The following PTPRD variants were observed in gnomAD, a reference collection of about 807,000 sequenced individuals.
PTPRD encodes receptor-type tyrosine-protein phosphatase delta.
Under a neutral mutation model 214.5 loss-of-function variants are expected in PTPRD, and 34 were observed. The observed-to-expected ratio is 0.16, with a 90% CI of 0.12 to 0.21. The LOEUF is 0.21. Ranked by LOEUF, PTPRD falls within the 10% of genes least tolerant of loss-of-function variation. The probability of loss-of-function intolerance (pLI) is 1.00; values close to 1 mark genes in which losing one functional copy is unlikely to be tolerated. For missense variants in PTPRD, 2,545 were observed against 2,398.7 expected (o/e 1.06, Z -1.27); for synonymous variants, 1,128 against 845.7 (o/e 1.33, Z -5.79).
At chr9:9,144,856 T>C (rs1239067434) in intron 10 of PTPRD, among the ~76,000 whole-genome samples, 1 of 152,166 alleles carries the variant, frequency 6.6e-6, no homozygotes, top group Non-Finnish European at 1.5e-5. Context: ...AAAAGCAATA[T>C]TGTTATTAAA....
chr9:8,502,080 C>G (rs1443119988), intron 23 of PTPRD, among the ~76,000 whole-genome samples: 1 of 152,058 alleles, frequency 6.6e-6, no homozygotes, highest in East Asian at 1.9e-4. Context: ...AGAAGACATA[C>G]TTTCTTACTG....
chr9:10,507,229 C>A (rs1179903204), intron 2 of PTPRD, among the ~76,000 whole-genome samples: 1 of 151,978 alleles, frequency 6.6e-6, no homozygotes, highest in Non-Finnish European at 1.5e-5. Context: ...ACCTAGGAAT[C>A]CAACTTACAA....
intron 21 of PTPRD, among the ~76,000 whole-genome samples, chr9:8,516,415 A>G (rs554091120): frequency 3.2e-4 from 49 of 152,212 alleles, no homozygotes; most frequent in Admixed American, 7.9e-4. Context: ...AGCCAATAAG[A>G]ACCAAATAAT....
At chr9:10,502,133 A>T (rs1438093519) in intron 2 of PTPRD, among the ~76,000 whole-genome samples, 1 of 152,000 alleles carries the variant, frequency 6.6e-6, no homozygotes, top group Non-Finnish European at 1.5e-5. Flanking sequence ...TGGTGAGAAA[A>T]GAAAGCCAAC....
intron 27 of PTPRD, among the ~76,000 whole-genome samples, chr9:8,491,896 G>C (rs1041488423): frequency 6.6e-6 from 1 of 152,034 alleles, no homozygotes. Context: ...GAAGTGATTC[G>C]GGCAGAGTAA....
At chr9:9,811,473 C>T (rs1362839460) in intron 5 of PTPRD, among the ~76,000 whole-genome samples, 5 of 152,016 alleles carry the variant, frequency 3.3e-5, no homozygotes, top group South Asian at 2.1e-4. Flanking sequence ...TTTGGGAGGC[C>T]GAGGTGGGCG....
chr9:9,646,336 TGTGTGTGG>T (rs1399386087), intron 7 of PTPRD, among the ~76,000 whole-genome samples: 118 of 149,318 alleles, frequency 7.9e-4, no homozygotes, highest in African/African-American at 2.8e-3. Flanking sequence ...TGTGTGTGTG[TGTGTGTGG>T]GTGTGTGTGT....
intron 3 of PTPRD, among the ~76,000 whole-genome samples, chr9:10,248,332 T>C (rs375464889): frequency 6.6e-6 from 1 of 152,120 alleles, no homozygotes; most frequent in South Asian, 2.1e-4. Context: ...AATTACGAAT[T>C]ATTACCATTC....
chr9:10,591,249 G>T (rs2075369032), intron 2 of PTPRD, among the ~76,000 whole-genome samples: 1 of 151,812 alleles, frequency 6.6e-6, no homozygotes, highest in Non-Finnish European at 1.5e-5. Flanking sequence ...ATTATTTTTT[G>T]TTGGTGCATG....
intron 8 of PTPRD, among the ~76,000 whole-genome samples, chr9:9,426,279 G>C (rs2080881036): frequency 2.0e-5 from 3 of 152,206 alleles, no homozygotes; most frequent in African/African-American, 7.2e-5. Flanking sequence ...CTGGCTCAGA[G>C]GGTCCCACGC....
chr9:9,287,270 A>C (rs1460263282), intron 9 of PTPRD, among the ~76,000 whole-genome samples: 1 of 151,666 alleles, frequency 6.6e-6, no homozygotes, highest in Non-Finnish European at 1.5e-5. Context: ...GTTGGCATAA[A>C]TGTTTATGTG....
intron 2 of PTPRD, among the ~76,000 whole-genome samples, chr9:10,412,310 C>T (rs1164196498): frequency 6.6e-6 from 1 of 151,536 alleles, no homozygotes; most frequent in African/African-American, 2.4e-5. Context: ...AATAGAAAAC[C>T]TAGAAAAGAT....
chr9:9,460,699 G>T (rs2093576935), intron 8 of PTPRD, among the ~76,000 whole-genome samples: 2 of 151,932 alleles, frequency 1.3e-5, no homozygotes, highest in Admixed American at 6.6e-5. Flanking sequence ...GTGGAGAAAA[G>T]GAAACACTTA....
intron 7 of PTPRD, among the ~76,000 whole-genome samples, chr9:9,721,333 A>G (rs980674998): frequency 7.2e-5 from 11 of 152,140 alleles, no homozygotes; most frequent in African/African-American, 2.7e-4. Flanking sequence ...TTCTCTTCTA[A>G]ATTTGACAAG....
At chr9:9,413,100 C>CTTTTTTTTTTTTTTTTTTTTTT (rs5896325) in intron 8 of PTPRD, among the ~76,000 whole-genome samples, 3 of 63,026 alleles carry the variant, frequency 4.8e-5, no homozygotes, top group Admixed American at 6.0e-4. Context: ...CTTGCAGCTT[C>CTTTTTTTTTTTTTTTTTTTTTT]TTTTTTTTTT....
chr9:9,292,050 T>C (rs922277376), intron 9 of PTPRD, among the ~76,000 whole-genome samples: 1 of 151,372 alleles, frequency 6.6e-6, no homozygotes, highest in Non-Finnish European at 1.5e-5. Context: ...TGGTATTTTA[T>C]CTCCTCAGAA....
At chr9:8,953,991 A>G (rs752013051) in intron 11 of PTPRD, among the ~76,000 whole-genome samples, 5 of 151,940 alleles carry the variant, frequency 3.3e-5, no homozygotes, top group African/African-American at 1.2e-4. Flanking sequence ...TCCCGTTACT[A>G]GTTATATACC....
rs35299908 is a variant in PTPRD at position 9,923,123 on chromosome 9, G to GGTGTGTGTGTGTGT, written c.-368+15370_-368+15383dup. ...AAAAAAAAGGACTGTGTGTGTGGGGGGTGTGTGTGTGTGTGTGTGTGTGTG... is the reference window on the plus strand; with the variant it reads ...AAAAAAAAGGACTGTGTGTGTGGGGGGTGTGTGTGTGTGTGTGTGTGTGTGTGTGTGTGTGTGTG... On this transcript the variant is annotated intron_variant, in intron 5 of 45. Transcript: ENST00000381196. 3.2e-3 allele frequency among the ~76,000 whole-genome samples: 465 copies of GGTGTGTGTGTGTGT among 145,050 alleles called. 3 individuals are homozygous for GGTGTGTGTGTGTGT. The highest frequency in any genetic ancestry group is 0.011 in the African/African-American group (434 of 39,290).
At chr9:9,623,795 A>G (rs1454003527) in intron 7 of PTPRD, among the ~76,000 whole-genome samples, 1 of 152,200 alleles carries the variant, frequency 6.6e-6, no homozygotes, top group Non-Finnish European at 1.5e-5. Context: ...CAACTTGTGA[A>G]AACAAGTCAG....
Sources: allele counts gnomAD v4.1 joint callset (sites outside exome capture counted in the v4.1 genomes callset), GRCh38; gene constraint gnomAD v4.1.1; transcripts MANE v1.5; gene names NCBI Gene and HGNC (gene_info 2026-07-23, HGNC 2026-07-21).